The following LRP12 variants were observed in gnomAD, a reference collection of about 807,000 sequenced individuals.
The protein encoded by LRP12 is LDL receptor related protein 12, also known as low-density lipoprotein receptor-related protein 12.
LRP12 carries 14 observed loss-of-function variants against 66.0 expected under a neutral mutation model. The observed-to-expected ratio is 0.21, with a 90% CI of 0.14 to 0.33. The LOEUF (loss-of-function observed/expected upper bound fraction) is 0.33, where lower values mean the gene tolerates loss of function less well. Among genes scored for constraint, LRP12 ranks in the 10% least tolerant of loss-of-function variants. The pLI, the probability that LRP12 is intolerant of heterozygous loss-of-function variation, is 1.00. For missense variants in LRP12, 889 were observed against 1,053.4 expected (o/e 0.84, Z 2.16); for synonymous variants, 357 against 359.1 (o/e 0.99, Z 0.07).
chr8:104,524,033 C>T (rs1271408260), intron 2 of LRP12, among the ~76,000 whole-genome samples: 8 of 151,902 alleles, frequency 5.3e-5, no homozygotes, highest in African/African-American at 1.9e-4. Context: ...ATCACTTGCA[C>T]TCACAAGTTC....
At chr8:104,504,864 G>A (rs1810882693) in intron 3 of LRP12, 1 of 152,208 alleles carries the variant, frequency 6.6e-6, no homozygotes, top group African/African-American at 2.4e-5. Context: ...ATGTAATTAA[G>A]TAAATGAAAT....
At chr8:104,548,274 T>TA (rs1811646840) in intron 1 of LRP12, among the ~76,000 whole-genome samples, 1 of 89,360 alleles carries the variant, frequency 1.1e-5, no homozygotes, top group Non-Finnish European at 1.8e-5. Flanking sequence ...ATGATATATA[T>TA]TATATTAATA....
At chr8:104,560,765 G>A (rs1811894360) in intron 1 of LRP12, among the ~76,000 whole-genome samples, 1 of 152,064 alleles carries the variant, frequency 6.6e-6, no homozygotes, top group South Asian at 2.1e-4. Flanking sequence ...GATTTTCCTG[G>A]TTGTCTCCTG....
chr8:104,529,936 G>A (rs1350368460), intron 2 of LRP12, among the ~76,000 whole-genome samples: 2 of 152,156 alleles, frequency 1.3e-5, no homozygotes, highest in South Asian at 2.1e-4. Context: ...AGGCTGGCCT[G>A]TCTCCTAGTA....
At chr8:104,586,835 CTT>C (rs201507625) in intron 1 of LRP12, among the ~76,000 whole-genome samples, 3 of 146,832 alleles carry the variant, frequency 2.0e-5, no homozygotes, top group Admixed American at 6.8e-5. Context: ...TCACTACCTC[CTT>C]TTTTTTTTTA....
At chr8:104,568,036 C>A (rs906006391) in intron 1 of LRP12, among the ~76,000 whole-genome samples, 2 of 152,086 alleles carry the variant, frequency 1.3e-5, no homozygotes, top group Non-Finnish European at 2.9e-5. Context: ...TACTACAAAG[C>A]GACACTAATG....
chr8:104,512,869 T>G (rs1811018062), intron 2 of LRP12, among the ~76,000 whole-genome samples: 1 of 152,176 alleles, frequency 6.6e-6, no homozygotes, highest in Non-Finnish European at 1.5e-5. Flanking sequence ...GATTCAATAT[T>G]TATATTTCTA....
chr8:104,581,867 G>A (rs376514935), intron 1 of LRP12, among the ~76,000 whole-genome samples: 1 of 152,116 alleles, frequency 6.6e-6, no homozygotes, highest in Non-Finnish European at 1.5e-5. Context: ...CAATGATTTT[G>A]AGAATTAATC....
chr8:104,524,799 CA>C (rs1811205270), intron 2 of LRP12, among the ~76,000 whole-genome samples: 1 of 151,760 alleles, frequency 6.6e-6, no homozygotes, highest in South Asian at 2.1e-4. Context: ...TTTGTGAAAA[CA>C]AAAAACTTGA....
intron 3 of LRP12, among the ~76,000 whole-genome samples, chr8:104,502,133 G>C (rs1810836758): frequency 6.6e-6 from 1 of 152,188 alleles, no homozygotes; most frequent in African/African-American, 2.4e-5. Context: ...CTTGTTTAAA[G>C]TGAGTTTGTT....
intron 1 of LRP12, among the ~76,000 whole-genome samples, chr8:104,582,965 G>A (rs140216764): frequency 6.6e-6 from 1 of 152,158 alleles, no homozygotes; most frequent in Non-Finnish European, 1.5e-5. Context: ...AAGTACACTT[G>A]CACCAATATT....
At chr8:104,499,205 T>C in intron 4 of LRP12, 112 bp downstream of exon 4, 1 of 793,442 alleles carries the variant, frequency 1.3e-6, no homozygotes, top group Admixed American at 3.1e-5. Flanking sequence ...CTCAGCTGCC[T>C]CAAGGGCCTA....
chr8:104,492,272 GA>G (rs2140826777), intron 6 of LRP12, among the ~76,000 whole-genome samples: 1 of 152,166 alleles, frequency 6.6e-6, no homozygotes, highest in Admixed American at 6.5e-5. Flanking sequence ...ATCATTCTTT[GA>G]AAACTAGTTA....
chr8:104,495,194 C>A lies in LRP12; in HGVS notation c.1596G>T (p.Gln532His), dbSNP rs1810705016. 6.2e-7 allele frequency: 1 copy of A among 1,613,254 alleles called. No homozygotes were observed. The highest frequency in any genetic ancestry group is 1.1e-5 in the South Asian group (1 of 90,842). Residue 532 changes from glutamine to histidine, a missense_variant, in exon 6 of 7, where the codon CAG becomes CAT. This residue lies in a region of LRP12 where 800 missense variants were observed against 964.5 expected (regional missense o/e 0.83). Transcript: ENST00000276654. ...RMFERRSFET[Q>H]LSRVEAELLR... ...ACAATTCTGCTTCCACTCTTGACAA[C>A]TGTGTTTCAAATGATCTTTGAGAGT... is the stretch of plus-strand genomic sequence containing the variant.
Position 104,576,666 on chromosome 8 carries a change from T to C in LRP12, c.79+12153A>G, listed in dbSNP as rs530994775. Among the ~76,000 whole-genome samples, 37 of 152,284 alleles carry C rather than the reference T, an allele frequency of 2.4e-4. 2 individuals are homozygous for C. The East Asian group carries it at 6.0e-3, about 25-fold the overall frequency. Reference sequence around the variant, plus strand: ...GCCACTACAAAAGCACACTGAAGTATACAGACCAATGACACTATAAAGCAA... The same window carrying C: ...GCCACTACAAAAGCACACTGAAGTACACAGACCAATGACACTATAAAGCAA... On this transcript the variant is annotated intron_variant, in intron 1 of 6. Transcript: ENST00000276654.
chr8:104,535,685 A>C (rs1811383924), intron 1 of LRP12, among the ~76,000 whole-genome samples: 1 of 152,012 alleles, frequency 6.6e-6, no homozygotes, highest in South Asian at 2.1e-4. Flanking sequence ...GTAGTTTGGT[A>C]ATTTTTTTTT....
At chr8:104,542,278 A>C (rs779989008) in intron 1 of LRP12, among the ~76,000 whole-genome samples, 3 of 152,128 alleles carry the variant, frequency 2.0e-5, no homozygotes, top group Non-Finnish European at 4.4e-5. Flanking sequence ...CTTAACAGCC[A>C]CTTATGCTAT....
intron 1 of LRP12, 85 bp downstream of exon 1, chr8:104,588,734 A>AG: frequency 1.6e-6 from 2 of 1,223,146 alleles, no homozygotes; most frequent in Non-Finnish European, 2.3e-6. Flanking sequence ...GGGAGTCTCC[A>AG]GGGGAACCCC....
At chr8:104,503,816 T>A (rs1810866953) in intron 3 of LRP12, among the ~76,000 whole-genome samples, 1 of 152,210 alleles carries the variant, frequency 6.6e-6, no homozygotes, top group South Asian at 2.1e-4. Context: ...TTTCTTTATA[T>A]CACTGATTTC....
Sources: allele counts gnomAD v4.1 joint callset (sites outside exome capture counted in the v4.1 genomes callset), GRCh38; gene constraint gnomAD v4.1.1; regional missense constraint gnomAD v4.1.1; transcripts MANE v1.5; gene names NCBI Gene and HGNC (gene_info 2026-07-23, HGNC 2026-07-21).